The following PLS1 variants were observed in gnomAD, a reference collection of about 807,000 sequenced individuals.
PLS1 encodes plastin-1.
In PLS1, 32 loss-of-function variants were observed where a neutral mutation model predicts 73.7. The observed-to-expected ratio is 0.43, with a 90% CI of 0.33 to 0.58. The LOEUF is 0.58. Among genes scored for constraint, PLS1 ranks in the 20% least tolerant of loss-of-function variants. The pLI is 0.04. For synonymous variants in PLS1, 217 were observed against 261.3 expected (o/e 0.83, Z 1.63); for missense variants, 633 against 740.5 (o/e 0.85, Z 1.68).
intron 1 of PLS1, among the ~76,000 whole-genome samples, chr3:142,600,363 G>A (rs976232408): frequency 1.3e-5 from 2 of 152,132 alleles, no homozygotes; most frequent in Non-Finnish European, 2.9e-5. Flanking sequence ...CTATTTCCTA[G>A]ATATATTGTA....
intron 1 of PLS1, among the ~76,000 whole-genome samples, chr3:142,661,307 C>T (rs2037364700): frequency 6.6e-6 from 1 of 152,138 alleles, no homozygotes; most frequent in South Asian, 2.1e-4. Context: ...AAGATGACTT[C>T]TATTTACTCC....
chr3:142,706,270 G>C (rs2038460336), intron 14 of PLS1, among the ~76,000 whole-genome samples: 1 of 152,098 alleles, frequency 6.6e-6, no homozygotes, highest in Admixed American at 6.6e-5. Context: ...CAATACTACA[G>C]AGTAATAAAA....
chr3:142,604,946 A>G (rs2108538508), intron 1 of PLS1, among the ~76,000 whole-genome samples: 1 of 152,170 alleles, frequency 6.6e-6, no homozygotes, highest in Non-Finnish European at 1.5e-5. Context: ...AAAAAAAAAA[A>G]AAAATTCAAG....
intron 1 of PLS1, among the ~76,000 whole-genome samples, chr3:142,654,421 C>G (rs1343588817): frequency 6.6e-6 from 1 of 152,202 alleles, no homozygotes. Context: ...TCATAGCTCA[C>G]TATAGCCTCA....
rs542149987 is a variant in PLS1, at chr3:142,712,446, A to G, written c.*439A>G. On this transcript the variant is annotated 3_prime_UTR_variant, in exon 16 of 16. Coordinates refer to ENST00000457734, the MANE Select transcript of PLS1 (RefSeq NM_001145319.2). ...TTAATCCTTTTATTTGCTTCCTCCA[A>G]CTATTTAAAGTGGTCCAAAAACACT... The G allele has an allele frequency of 2.5e-4, 39 of 156,122 alleles. No homozygotes were observed. The highest frequency in any genetic ancestry group is 8.7e-4 in the African/African-American group (36 of 41,580). 9.7% of individuals were successfully genotyped at this position (156,122 alleles called of 1,614,324 possible).
At chr3:142,610,653 C>T (rs567427216) in intron 1 of PLS1, among the ~76,000 whole-genome samples, 17 of 152,120 alleles carry the variant, frequency 1.1e-4, no homozygotes, top group Non-Finnish European at 2.2e-4. Context: ...GTCCCCTTTC[C>T]CTACTCTCTT....
chr3:142,625,396 A>G (rs921211349), intron 1 of PLS1, among the ~76,000 whole-genome samples: 13 of 151,876 alleles, frequency 8.6e-5, no homozygotes, highest in Non-Finnish European at 1.8e-4. Flanking sequence ...TTCCTTCCAA[A>G]TGTTTCCAAC....
chr3:142,623,871 C>A (rs905610999), intron 1 of PLS1, among the ~76,000 whole-genome samples: 1 of 151,940 alleles, frequency 6.6e-6, no homozygotes. Context: ...ACTCATAATT[C>A]TTGATTGGGC....
chr3:142,616,098 A>C (rs1365172397), intron 1 of PLS1, among the ~76,000 whole-genome samples: 1 of 152,194 alleles, frequency 6.6e-6, no homozygotes, highest in Non-Finnish European at 1.5e-5. Flanking sequence ...ATCATTTCCC[A>C]TTTTATGGAG....
chr3:142,640,852 G>A (rs1441709501), intron 1 of PLS1, among the ~76,000 whole-genome samples: 1 of 151,980 alleles, frequency 6.6e-6, no homozygotes, highest in East Asian at 1.9e-4. Context: ...GCCATCATAT[G>A]GGAATAGTTA....
At chr3:142,652,492 G>A (rs2037119534) in intron 1 of PLS1, among the ~76,000 whole-genome samples, 1 of 152,188 alleles carries the variant, frequency 6.6e-6, no homozygotes, top group Non-Finnish European at 1.5e-5. Context: ...CCTTGGACAA[G>A]CTGCAGTGAG....
At chr3:142,649,278 G>GT (rs1337172631) in intron 1 of PLS1, among the ~76,000 whole-genome samples, 2 of 140,016 alleles carry the variant, frequency 1.4e-5, no homozygotes, top group Non-Finnish European at 3.0e-5. Flanking sequence ...CCAGGCTGCA[G>GT]TGAACCATGA....
At chr3:142,604,512 G>A (rs561122849) in intron 1 of PLS1, among the ~76,000 whole-genome samples, 1 of 152,308 alleles carries the variant, frequency 6.6e-6, no homozygotes, top group East Asian at 1.9e-4. Context: ...GGTGCCATCT[G>A]TGAAACACAG....
At chr3:142,664,696 T>C (rs2037440151) in intron 2 of PLS1, among the ~76,000 whole-genome samples, 2 of 152,350 alleles carry the variant, frequency 1.3e-5, no homozygotes, top group African/African-American at 4.8e-5. Context: ...TGCAGAATAT[T>C]TTTAAAATCT....
chr3:142,604,723 A>G (rs1307513563), intron 1 of PLS1, among the ~76,000 whole-genome samples: 1 of 152,164 alleles, frequency 6.6e-6, no homozygotes, highest in Non-Finnish European at 1.5e-5. Flanking sequence ...TCACGAGGTC[A>G]GGATATTGAG....
chr3:142,711,245 AG>A (rs1933111570), intron 14 of PLS1, among the ~76,000 whole-genome samples: 1 of 152,174 alleles, frequency 6.6e-6, no homozygotes, highest in Non-Finnish European at 1.5e-5. Context: ...TGGACACTAT[AG>A]TTAGCATACT....
At chr3:142,644,750 T>C (rs1406817562) in intron 1 of PLS1, among the ~76,000 whole-genome samples, 1 of 152,202 alleles carries the variant, frequency 6.6e-6, no homozygotes, top group Admixed American at 6.5e-5. Context: ...CGTGATTCAT[T>C]TATGAGGGTA....
chr3:142,664,271 G>A lies in PLS1; in HGVS notation c.34G>A (p.Glu12Lys). 4 of 1,594,166 alleles carry A rather than the reference G, an allele frequency of 2.5e-6. No homozygotes were observed. Among genetic ancestry groups the A allele is most frequent in the Non-Finnish European group, 2.6e-6 (3 of 1,164,196 alleles). The change falls in exon 2 of 16, where the codon GAG (glutamate) becomes AAG (lysine). Residue 12 changes from glutamate (E) to lysine (K), a missense_variant. Physicochemically the swap from Glu to Lys is moderately conservative, Grantham distance 56 (BLOSUM62 1). Transcript: ENST00000457734. Reference sequence around the variant, plus strand: ...CAGTACTACTACCATTTCTCGGGAGGAGCTTGAAGAACTACAAGAGGCATT... The same window carrying A: ...CAGTACTACTACCATTTCTCGGGAGAAGCTTGAAGAACTACAAGAGGCATT... ...ENSTTTISRE[E>K]LEELQEAFNK...
chr3:142,612,831 G>C (rs2036147995), intron 1 of PLS1, among the ~76,000 whole-genome samples: 1 of 152,004 alleles, frequency 6.6e-6, no homozygotes, highest in Non-Finnish European at 1.5e-5. Context: ...GAGTGTGGTG[G>C]CACAATCTTG....
Sources: gnomAD v4.1 joint callset for allele counts (sites outside exome capture counted in the v4.1 genomes callset) on GRCh38, gnomAD v4.1.1 for gene constraint, MANE v1.5 for transcripts, NCBI Gene and HGNC (gene_info 2026-07-23, HGNC 2026-07-21) for gene names.